Variants in ADH4 observed in about 807,000 individuals in gnomAD.
The protein encoded by ADH4 is alcohol dehydrogenase 4 (class II), pi polypeptide.
Under a neutral mutation model 35.2 loss-of-function variants are expected in ADH4, and 31 were observed. The ratio of observed to expected loss-of-function variants is 0.88; its 90% CI spans 0.66 to 1.19. The LOEUF is 1.19. Among genes scored for constraint, ADH4 ranks in the 50% most tolerant of loss-of-function variants. The pLI, the probability that ADH4 is intolerant of heterozygous loss-of-function variation, is 0.00. For missense variants in ADH4, 476 were observed against 458.3 expected, an observed-to-expected ratio of 1.04 and a Z score of -0.35; for synonymous variants, 171 against 160.2, an observed-to-expected ratio of 1.07 and a Z score of -0.51.
At chr4:99,129,273 A>G (rs1472787891) in intron 6 of ADH4, among the ~76,000 whole-genome samples, 5 of 152,106 alleles carry the variant, frequency 3.3e-5, no homozygotes. Context: ...AAAGAATCTT[A>G]TGGTAAAATC....
intron 8 of ADH4, among the ~76,000 whole-genome samples, chr4:99,124,766 A>G (rs540534446): frequency 6.6e-6 from 1 of 152,280 alleles, no homozygotes; most frequent in South Asian, 2.1e-4. Context: ...GTCAGGTTTT[A>G]GTCTTGGAAT....
chr4:99,142,551 A>G, intron 2 of ADH4, 128 bp downstream of exon 2: 2 of 450,962 alleles, frequency 4.4e-6, no homozygotes, highest in Non-Finnish European at 7.7e-6. Flanking sequence ...GACTGAATCT[A>G]AAAATACAGC....
At chr4:99,141,410 C>A in intron 3 of ADH4, 131 bp downstream of exon 3, 1 of 832,582 alleles carries the variant, frequency 1.2e-6, no homozygotes, top group Non-Finnish European at 1.8e-6. Context: ...TTGTGTCTCT[C>A]GTTTTACTTT....
intron 3 of ADH4, 89 bp from the exon 4 acceptor site, chr4:99,139,237 T>C: frequency 1.3e-6 from 1 of 787,084 alleles, no homozygotes; most frequent in Non-Finnish European, 2.1e-6. Context: ...CTTTTCTTTA[T>C]AGTATACATT....
Position 99,136,523 on chromosome 4 carries a change from A to G in ADH4, c.525T>C (p.Val175=). The change falls in exon 5 of 9, where the codon GTT becomes GTC. Residue 175 remains valine, a synonymous_variant. Coordinates refer to ENST00000265512, the MANE Select transcript of ADH4 (RefSeq NM_000670.5). ...KIDDDANLER[V]CLLGCGFSTG... ...TTGAAAACCCACATCCAAGCAGACA[A>G]ACTCTCTCTAAATTTGCATCATCAT... 6.2e-7 allele frequency: 1 copy of G among 1,614,100 alleles called. No individual in the cohort carries two copies. The highest frequency in any genetic ancestry group is 8.5e-7 in the Non-Finnish European group (1 of 1,180,000).
chr4:99,143,352 A>G, intron 1 of ADH4: 1 of 635,238 alleles, frequency 1.6e-6, no homozygotes, highest in South Asian at 1.8e-5. Flanking sequence ...AGTCTGAGAA[A>G]TGAGGCTTAC....
At chr4:99,139,194 A>C (rs374565461) in intron 3 of ADH4, 46 bp from the exon 4 acceptor site, 16 of 1,295,842 alleles carry the variant, frequency 1.2e-5, no homozygotes, top group Non-Finnish European at 1.7e-5. Flanking sequence ...GGTGTTACTT[A>C]TAGCTTCTAC....
chr4:99,141,830 A>C lies in ADH4; in HGVS notation c.121-148T>G, dbSNP rs959503113. On this transcript the variant is annotated intron_variant, in intron 2 of 8. Coordinates refer to ENST00000265512, the MANE Select transcript of ADH4 (RefSeq NM_000670.5). Reference sequence around the variant, plus strand: ...GAATCACCTTTTGAAAAAAGAACCAATAAAAATATACTGGGTTAGATTATT... The same window carrying C: ...GAATCACCTTTTGAAAAAAGAACCACTAAAAATATACTGGGTTAGATTATT... 7.2e-6 allele frequency: 5 copies of C among 696,612 alleles called. No homozygotes were observed. The African/African-American group carries it at 9.0e-5, about 13-fold the overall frequency. The allele number at this position is 696,612 out of a possible 1,614,324, so 43.2% of individuals were successfully genotyped here.
intron 3 of ADH4, 53 bp from the exon 4 acceptor site, chr4:99,139,201 C>A (rs1205715327): frequency 5.8e-6 from 7 of 1,215,336 alleles, no homozygotes; most frequent in Non-Finnish European, 8.4e-6. Context: ...CTTATAGCTT[C>A]TACCAGATAA....
At chr4:99,136,902 T>C (rs1450214549) in intron 4 of ADH4, among the ~76,000 whole-genome samples, 1 of 151,964 alleles carries the variant, frequency 6.6e-6, no homozygotes, top group Non-Finnish European at 1.5e-5. Flanking sequence ...AACAATTTTT[T>C]AAAAAGTGAC....
Position 99,127,221 on chromosome 4 carries a change from T to A in ADH4, c.967A>T (p.Thr323Ser). The change falls in exon 7 of 9, where the codon ACA becomes TCA. Residue 323 changes from threonine to serine, a missense_variant. Thr to Ser is a moderately conservative substitution (Grantham distance 58). Coordinates refer to ENST00000265512, the MANE Select transcript of ADH4 (RefSeq NM_000670.5). ...ELIIGRTING[T>S]FFGGWKSVDS... ...AAAAAAAACTGACCACCAAAGAATG[T>A]TCCATTTATAGTACGGCCGATTATT... The A allele has an allele frequency of 6.2e-7, 1 of 1,601,640 alleles. No individual in the cohort carries two copies.
chr4:99,140,633 C>T (rs35062722), intron 3 of ADH4, among the ~76,000 whole-genome samples: 31,924 of 151,042 alleles, frequency 0.21, 4,026 homozygotes, highest in Non-Finnish European at 0.29. Context: ...TTTGGGAGGC[C>T]GAGGTGGGTG....
intron 4 of ADH4, among the ~76,000 whole-genome samples, chr4:99,138,722 G>T (rs1210142631): frequency 6.6e-6 from 1 of 152,134 alleles, no homozygotes; most frequent in South Asian, 2.1e-4. Context: ...AACATTATGT[G>T]TGTGAGATTA....
chr4:99,139,115 CAT>C lies in ADH4; in HGVS notation c.294_295del (p.Cys99Ter), dbSNP rs747639645. 1 of 1,613,204 alleles carries C rather than the reference CAT, an allele frequency of 6.2e-7. No individual in the cohort carries two copies. The highest frequency in any genetic ancestry group is 1.3e-5 in the African/African-American group (1 of 74,896). ...ACTCAGACAAAACTTGCATTTTCTA[CAT>C]AGAGGTGCATAAAGTGGAATTACTT... On this transcript the variant is annotated frameshift_variant, in exon 4 of 9. Coordinates refer to ENST00000265512, the MANE Select transcript of ADH4 (RefSeq NM_000670.5). LOFTEE classifies it high-confidence loss of function.
At chr4:99,133,169 A>G (rs1169689223) in intron 5 of ADH4, among the ~76,000 whole-genome samples, 2 of 152,166 alleles carry the variant, frequency 1.3e-5, no homozygotes, top group African/African-American at 4.8e-5. Flanking sequence ...GTATAAATAT[A>G]ATATGCTGCA....
intron 5 of ADH4, among the ~76,000 whole-genome samples, chr4:99,136,245 G>A (rs1257693355): frequency 6.6e-6 from 1 of 152,146 alleles, no homozygotes; most frequent in Non-Finnish European, 1.5e-5. Context: ...TCAATTATAT[G>A]TAGGCTACTG....
intron 4 of ADH4, among the ~76,000 whole-genome samples, chr4:99,137,135 A>AT (rs11317458): frequency 5.0e-5 from 7 of 139,374 alleles, no homozygotes; most frequent in African/African-American, 1.8e-4. Context: ...TATTATTATT[A>AT]TTTTTTTTTT....
chr4:99,144,057 A>G, intron 1 of ADH4, 148 bp downstream of exon 1: 1 of 809,792 alleles, frequency 1.2e-6, no homozygotes, highest in South Asian at 1.9e-5. Flanking sequence ...ATTTCCCTAG[A>G]ATAAATTCCT....
At chr4:99,139,750 A>G (rs1729553886) in intron 3 of ADH4, among the ~76,000 whole-genome samples, 1 of 152,192 alleles carries the variant, frequency 6.6e-6, no homozygotes, top group South Asian at 2.1e-4. Context: ...CTTTGAGACG[A>G]GCCCTATTTT....
Sources: allele counts gnomAD v4.1 joint callset (sites outside exome capture counted in the v4.1 genomes callset), GRCh38; gene constraint gnomAD v4.1.1; transcripts MANE v1.5; gene names NCBI Gene and HGNC (gene_info 2026-07-23, HGNC 2026-07-21).